The following PMFBP1 variants were observed in gnomAD, a reference collection of about 807,000 sequenced individuals.
PMFBP1 encodes the protein polyamine modulated factor 1 binding protein 1, also known as polyamine-modulated factor 1-binding protein 1.
In PMFBP1, 131 loss-of-function variants were observed where a neutral mutation model predicts 137.8. The observed-to-expected ratio is 0.95, with a 90% CI of 0.82 to 1.10. The LOEUF (loss-of-function observed/expected upper bound fraction) is 1.10. PMFBP1 is among the 50% of genes least tolerant of loss of function. PMFBP1 has a pLI of 0.00. For missense variants in PMFBP1, 1,199 were observed against 1,175.4 expected (o/e 1.02, Z -0.29); for synonymous variants, 490 against 450.4 (o/e 1.09, Z -1.11).
At chr16:72,127,189 G>A (rs1360552931) in intron 14 of PMFBP1, among the ~76,000 whole-genome samples, 1 of 152,172 alleles carries the variant, frequency 6.6e-6, no homozygotes. Context: ...TTTATCTCCA[G>A]TAACTGATCA....
chr16:72,150,595 A>T lies in PMFBP1; in HGVS notation c.636+13T>A. The T allele has an allele frequency of 6.2e-7, 1 of 1,611,336 alleles. No homozygotes were observed. The highest frequency in any genetic ancestry group is 1.1e-5 in the South Asian group (1 of 90,974). ...CCACTTGCCTGGATTGAATGGCCTGACTTAAGTCCTACCTGACCCATGATC... is the reference window on the plus strand; with the variant it reads ...CCACTTGCCTGGATTGAATGGCCTGTCTTAAGTCCTACCTGACCCATGATC... On this transcript the variant is annotated intron_variant, in intron 5 of 20. Coordinates refer to ENST00000237353, the MANE Select transcript of PMFBP1 (RefSeq NM_031293.3).
At chr16:72,149,338 T>C (rs759273690) in intron 5 of PMFBP1, among the ~76,000 whole-genome samples, 1 of 152,224 alleles carries the variant, frequency 6.6e-6, no homozygotes, top group Non-Finnish European at 1.5e-5. Context: ...CTTTTTGGTA[T>C]ATAATTTAGA....
intron 5 of PMFBP1, 125 bp downstream of exon 5, chr16:72,150,483 C>T: frequency 1.1e-6 from 1 of 880,868 alleles, no homozygotes; most frequent in Middle Eastern, 3.5e-4. Context: ...GCTACAAAAT[C>T]AAGGGCAGGA....
At chr16:72,168,610 C>T (rs1472378286) in intron 2 of PMFBP1, among the ~76,000 whole-genome samples, 1 of 152,164 alleles carries the variant, frequency 6.6e-6, no homozygotes, top group East Asian at 1.9e-4. Flanking sequence ...ACCATCTGAT[C>T]TTGTCCTGGA....
At chr16:72,169,456 T>C (rs1567643906) in intron 2 of PMFBP1, among the ~76,000 whole-genome samples, 1 of 152,192 alleles carries the variant, frequency 6.6e-6, no homozygotes, top group African/African-American at 2.4e-5. Context: ...ATGAAATTAA[T>C]GGGTACTTAT....
the PMFBP1 span, among the ~76,000 whole-genome samples, chr16:72,233,701 C>T: frequency 6.6e-6 from 1 of 152,114 alleles, no homozygotes; most frequent in Admixed American, 6.6e-5. Context: ...TTTATCACCC[C>T]TAAAGAAATC....
intron 14 of PMFBP1, chr16:72,128,312 G>T: frequency 5.1e-6 from 6 of 1,165,472 alleles, no homozygotes; most frequent in Non-Finnish European, 5.5e-6. Flanking sequence ...TCTCCTTTTT[G>T]TGCTTTGTGA....
the PMFBP1 span, among the ~76,000 whole-genome samples, chr16:72,248,912 C>T: frequency 2.0e-5 from 3 of 152,092 alleles, no homozygotes; most frequent in African/African-American, 2.4e-5. Flanking sequence ...GAAGACTCAC[C>T]GAGTGCAGAG....
rs1673962347 is a variant in PMFBP1, at chr16:72,164,917, C to T, written c.13-1G>A. ...TCACTTCTCTGTCTCTCTCCCCCGC[C>T]TAGGCAGCCAGAAAAACAAAAGCAT... On this transcript the variant is annotated splice_acceptor_variant, in intron 2 of 20. Coordinates refer to ENST00000237353, the MANE Select transcript of PMFBP1 (RefSeq NM_031293.3). LOFTEE classifies it high-confidence loss of function. 6.3e-7 allele frequency: 1 copy of T among 1,578,402 alleles called. No homozygotes were observed. The highest frequency in any genetic ancestry group is 8.7e-7 in the Non-Finnish European group (1 of 1,154,386).
chr16:72,138,311 T>C (rs767983861), intron 7 of PMFBP1, among the ~76,000 whole-genome samples: 10 of 152,132 alleles, frequency 6.6e-5, no homozygotes, highest in Admixed American at 5.9e-4. Context: ...AGCTGACATG[T>C]GTTGTTTACT....
At chr16:72,182,087 G>T in the PMFBP1 span, among the ~76,000 whole-genome samples, 2 of 152,220 alleles carry the variant, frequency 1.3e-5, no homozygotes, top group African/African-American at 4.8e-5. Flanking sequence ...AGACAAGCTT[G>T]GTTTAGAAGC....
the PMFBP1 span, among the ~76,000 whole-genome samples, chr16:72,187,077 C>T: frequency 6.5e-4 from 97 of 148,158 alleles, no homozygotes; most frequent in Non-Finnish European, 1.2e-3. Context: ...TACACCACTG[C>T]ACTCCAGGCT....
intron 3 of PMFBP1, among the ~76,000 whole-genome samples, chr16:72,155,609 AG>A (rs1212670871): frequency 1.3e-5 from 2 of 152,218 alleles, no homozygotes; most frequent in Non-Finnish European, 2.9e-5. Flanking sequence ...TTGGCTCCCG[AG>A]GGGTTGAGCT....
the PMFBP1 span, among the ~76,000 whole-genome samples, chr16:72,232,312 T>C: frequency 0.018 from 2,707 of 152,310 alleles, 26 homozygotes; most frequent in Non-Finnish European, 0.024. Context: ...GCACAAGCTA[T>C]ATGCAGGCTT....
At chr16:72,209,678 G>A in the PMFBP1 span, among the ~76,000 whole-genome samples, 1 of 151,976 alleles carries the variant, frequency 6.6e-6, no homozygotes, top group Non-Finnish European at 1.5e-5. Context: ...GTACCCATGT[G>A]CTCAGTATTA....
In PMFBP1 at chr16:72,119,227, G is replaced by A. The variant is rs112577633; in HGVS notation, c.*111C>T. 208 of 1,250,054 alleles carry A rather than the reference G, an allele frequency of 1.7e-4. 2 individuals are homozygous for A. The highest frequency in any genetic ancestry group is 9.5e-4 in the Middle Eastern group (5 of 5,266). The allele number at this position is 1,250,054 out of a possible 1,614,324, so 77.4% of individuals were successfully genotyped here. On this transcript the variant is annotated 3_prime_UTR_variant, in exon 21 of 21. Transcript: ENST00000237353. ...GTGTCTTGCAAAATAGGCTGGGACC[G>A]TGATATACTCCTGTAAGAGCTGATC...
At chr16:72,187,119 A>T in the PMFBP1 span, among the ~76,000 whole-genome samples, 65 of 151,998 alleles carry the variant, frequency 4.3e-4, no homozygotes, top group African/African-American at 1.4e-3. Context: ...TCTCAAAAAA[A>T]AAAAAAATAA....
At chr16:72,150,263 A>C (rs1263414011) in intron 5 of PMFBP1, among the ~76,000 whole-genome samples, 1 of 152,054 alleles carries the variant, frequency 6.6e-6, no homozygotes, top group Non-Finnish European at 1.5e-5. Context: ...AAGAGGGAGG[A>C]AGCAGGGTTG....
chr16:72,199,709 A>G, the PMFBP1 span, among the ~76,000 whole-genome samples: 2 of 152,042 alleles, frequency 1.3e-5, no homozygotes, highest in African/African-American at 4.8e-5. Context: ...TTTTCAGAAA[A>G]AAAAAAGGTA....
Sources: allele counts gnomAD v4.1 joint callset (sites outside exome capture counted in the v4.1 genomes callset), GRCh38; gene constraint gnomAD v4.1.1; transcripts MANE v1.5; gene names NCBI Gene and HGNC (gene_info 2026-07-23, HGNC 2026-07-21).